The following KIF21A variants were observed in gnomAD, a reference collection of about 807,000 sequenced individuals.
KIF21A encodes kinesin family member 21A.
A neutral mutation model predicts 202.9 loss-of-function variants in KIF21A; 114 were observed. The ratio of observed to expected loss-of-function variants is 0.56; its 90% CI spans 0.48 to 0.66. The LOEUF (loss-of-function observed/expected upper bound fraction) is 0.66, where lower values mean the gene tolerates loss of function less well. Among genes scored for constraint, KIF21A ranks in the 30% least tolerant of loss-of-function variants. KIF21A has a pLI of 0.00. For synonymous variants in KIF21A, 667 were observed against 670.8 expected, an observed-to-expected ratio of 0.99 and a Z score of 0.09; for missense variants, 1,677 against 1,994.9, an observed-to-expected ratio of 0.84 and a Z score of 3.04.
At chr12:39,317,572 T>G (rs946428474) in intron 29 of KIF21A, among the ~76,000 whole-genome samples, 2 of 152,168 alleles carry the variant, frequency 1.3e-5, no homozygotes, top group African/African-American at 4.8e-5. Flanking sequence ...GATTTTTTAT[T>G]CCAAGAACAC....
intron 7 of KIF21A, among the ~76,000 whole-genome samples, chr12:39,361,369 T>C (rs757374225): frequency 7.2e-5 from 11 of 152,050 alleles, no homozygotes; most frequent in Non-Finnish European, 1.5e-4. Context: ...ACTGAAAATA[T>C]AGAACACAAG....
chr12:39,436,448 A>ATATATATATATATT lies in KIF21A; in HGVS notation c.44+6478_44+6479insAATATATATATATA, dbSNP rs1387332677. Reference sequence around the variant, plus strand: ...TATATATATATATATATATATATATATTTTTTTTTTTTTTAGACAGGGTTT... The same window carrying ATATATATATATATT: ...TATATATATATATATATATATATATATATATATATATATTTTTTTTTTTTTTTTAGACAGGGTTT... On this transcript the variant is annotated intron_variant, in intron 1 of 37. Transcript: ENST00000361418. Among the ~76,000 whole-genome samples, 217 of 95,706 alleles carry ATATATATATATATT rather than the reference A, an allele frequency of 2.3e-3. 2 individuals are homozygous for ATATATATATATATT. Among genetic ancestry groups the ATATATATATATATT allele is most frequent in the Non-Finnish European group, 3.2e-3 (160 of 50,386 alleles). 62.8% of individuals were successfully genotyped at this position (95,706 alleles called of 152,430 possible).
chr12:39,415,220 GT>G (rs1953455618), intron 1 of KIF21A, among the ~76,000 whole-genome samples: 1 of 140,672 alleles, frequency 7.1e-6, no homozygotes, highest in Admixed American at 7.0e-5. Context: ...TAAAAGTCTG[GT>G]AGAGAATGCT....
chr12:39,397,494 C>A (rs1442073584), intron 1 of KIF21A, among the ~76,000 whole-genome samples: 1 of 152,000 alleles, frequency 6.6e-6, no homozygotes, highest in Non-Finnish European at 1.5e-5. Context: ...GTACTTACCA[C>A]CCTCTAATAT....
In KIF21A at chr12:39,394,955, T is replaced by C. The variant is rs560059354; in HGVS notation, c.45-24694A>G. ...CGAGAAATGCTAGTCTTCCTAGCCTTCTTCTCTCTTACCTATCTCACACCT... is the reference window on the plus strand; with the variant it reads ...CGAGAAATGCTAGTCTTCCTAGCCTCCTTCTCTCTTACCTATCTCACACCT... On this transcript the variant is annotated intron_variant, in intron 1 of 37. Transcript: ENST00000361418. 1.2e-4 allele frequency among the ~76,000 whole-genome samples: 18 copies of C among 152,296 alleles called. No homozygotes were observed. In the South Asian group the frequency reaches 3.5e-3, roughly 30 times the overall value.
intron 11 of KIF21A, among the ~76,000 whole-genome samples, chr12:39,348,143 T>C (rs1032919619): frequency 4.6e-5 from 7 of 152,022 alleles, no homozygotes; most frequent in African/African-American, 7.2e-5. Context: ...TTAAAAACCA[T>C]TCCAATCAAT....
chr12:39,437,912 C>T (rs1357455758), intron 1 of KIF21A, among the ~76,000 whole-genome samples: 1 of 152,092 alleles, frequency 6.6e-6, no homozygotes, highest in Non-Finnish European at 1.5e-5. Context: ...ATTTTTTGAA[C>T]ATTAAACTGT....
At chr12:39,441,680 A>AAAAAAAAAAAAAAAAAAAAC (rs71075060) in intron 1 of KIF21A, among the ~76,000 whole-genome samples, 1 of 148,178 alleles carries the variant, frequency 6.7e-6, no homozygotes, top group South Asian at 2.2e-4. Flanking sequence ...AAAAAAAAAA[A>AAAAAAAAAAAAAAAAAAAAC]CACTTAAAAA....
At chr12:39,356,799 T>C in intron 10 of KIF21A, 33 bp downstream of exon 10, 1 of 928,148 alleles carries the variant, frequency 1.1e-6, no homozygotes, top group Non-Finnish European at 1.8e-6. Context: ...AAAACAAACA[T>C]GTGCATTATA....
chr12:39,393,849 T>G (rs1055048830), intron 1 of KIF21A, among the ~76,000 whole-genome samples: 2 of 152,226 alleles, frequency 1.3e-5, no homozygotes, highest in African/African-American at 4.8e-5. Context: ...TGGGTTTTCA[T>G]GTAATTTCAT....
Position 39,357,457 on chromosome 12 carries a change from T to A in KIF21A, c.1216-20A>T, listed in dbSNP as rs1373456060. The A allele has an allele frequency of 1.2e-6, 2 of 1,602,512 alleles. No individual in the cohort carries two copies. The highest frequency in any genetic ancestry group is 1.7e-6 in the Non-Finnish European group (2 of 1,169,940). On this transcript the variant is annotated intron_variant, in intron 8 of 37. Coordinates refer to ENST00000361418, the MANE Select transcript of KIF21A (RefSeq NM_001173464.2). The stretch of plus-strand genomic sequence containing the variant: ...TTTACCCTAGTAAAGGAAAATAATG[T>A]CCTTGTTGGTTGAGGAGCCTTAAAA...
chr12:39,330,275 C>T lies in KIF21A; in HGVS notation c.3320-13G>A. On this transcript the variant is annotated splice_polypyrimidine_tract_variant and intron_variant, in intron 23 of 37. Coordinates refer to ENST00000361418, the MANE Select transcript of KIF21A (RefSeq NM_001173464.2). The stretch of plus-strand genomic sequence containing the variant: ...ACGCTATCTAGATCTGTGTAAATAA[C>T]AGCAAAAAGGAAACAAAAAGCAATA... 4.3e-6 allele frequency: 7 copies of T among 1,611,284 alleles called. No homozygotes were observed. The highest frequency in any genetic ancestry group is 1.7e-4 in the Middle Eastern group (1 of 5,976).
intron 29 of KIF21A, among the ~76,000 whole-genome samples, 168 bp downstream of exon 29, chr12:39,317,905 T>C (rs1944744407): frequency 6.6e-6 from 1 of 152,162 alleles, no homozygotes; most frequent in African/African-American, 2.4e-5. Flanking sequence ...TTTCTCTAAT[T>C]TTGGCTGCAT....
chr12:39,327,486 T>A (rs1946068315), intron 24 of KIF21A, among the ~76,000 whole-genome samples: 1 of 152,188 alleles, frequency 6.6e-6, no homozygotes, highest in South Asian at 2.1e-4. Flanking sequence ...AATTATGTTA[T>A]AAAGAAATGA....
Position 39,320,544 on chromosome 12 carries a change from T to C in KIF21A, c.3672-531A>G, listed in dbSNP as rs1168022170. 2.0e-5 allele frequency among the ~76,000 whole-genome samples: 3 copies of C among 152,120 alleles called. No individual in the cohort carries two copies. The East Asian group carries it at 5.8e-4, about 29-fold the overall frequency. ...GTACATTTTAGTAATAAAAGTATTC[T>C]GGCCTTAAATATTTTAAATGCCAAA... On this transcript the variant is annotated intron_variant, in intron 27 of 37. Transcript: ENST00000361418.
chr12:39,320,422 T>C (rs1049492890), intron 27 of KIF21A, among the ~76,000 whole-genome samples: 6 of 151,864 alleles, frequency 4.0e-5, no homozygotes, highest in Non-Finnish European at 8.8e-5. Flanking sequence ...ATTTAATGAA[T>C]TAATATTGAG....
intron 31 of KIF21A, 88 bp from the exon 32 acceptor site, chr12:39,311,641 C>A: frequency 1.5e-6 from 2 of 1,332,386 alleles, no homozygotes; most frequent in Non-Finnish European, 2.1e-6. Context: ...TTTCCCCTAA[C>A]TTTAAGAAGT....
chr12:39,384,595 C>G (rs376782393), intron 1 of KIF21A, among the ~76,000 whole-genome samples: 1 of 152,130 alleles, frequency 6.6e-6, no homozygotes, highest in East Asian at 1.9e-4. Context: ...TTTTTTCCCC[C>G]TTAAGCAGCA....
chr12:39,399,422 A>C (rs1247213443), intron 1 of KIF21A, among the ~76,000 whole-genome samples: 1 of 152,170 alleles, frequency 6.6e-6, no homozygotes, highest in Non-Finnish European at 1.5e-5. Flanking sequence ...GTAGTTAATA[A>C]GTCTAGTATC....
Sources: allele counts gnomAD v4.1 joint callset (sites outside exome capture counted in the v4.1 genomes callset), GRCh38; gene constraint gnomAD v4.1.1; transcripts MANE v1.5; gene names NCBI Gene and HGNC (gene_info 2026-07-23, HGNC 2026-07-21).